The following NAALADL1 variants were observed in gnomAD, a reference collection of about 807,000 sequenced individuals.
NAALADL1 encodes the protein N-acetylated alpha-linked acidic dipeptidase like 1, also known as aminopeptidase NAALADL1.
NAALADL1 carries 77 observed loss-of-function variants against 82.8 expected under a neutral mutation model. That is an observed-to-expected ratio of 0.93 (90% CI 0.77 to 1.12). The LOEUF is 1.12. Ranked by LOEUF, NAALADL1 falls within the 50% of genes most tolerant of loss-of-function variation. The pLI, the probability that NAALADL1 is intolerant of heterozygous loss-of-function variation, is 0.00. For synonymous variants in NAALADL1, 358 were observed against 399.2 expected (o/e 0.90, Z 1.23); for missense variants, 956 against 964.0 (o/e 0.99, Z 0.11).
At chr11:65,059,360 C>T (rs1406438624), upstream of NAALADL1, among the ~76,000 whole-genome samples, 1 of 152,176 alleles carries the variant, frequency 6.6e-6, no homozygotes, top group East Asian at 1.9e-4. Flanking sequence ...ATAGCTAGTG[C>T]AGTGTCTGAC....
chr11:65,049,951 C>G (rs926036068), intron 8 of NAALADL1, among the ~76,000 whole-genome samples: 1 of 151,648 alleles, frequency 6.6e-6, no homozygotes, highest in Non-Finnish European at 1.5e-5. Flanking sequence ...AATCAGCTCA[C>G]TGCAACCTCT....
At chr11:65,051,542 G>A (rs1354722003) in intron 8 of NAALADL1, among the ~76,000 whole-genome samples, 1 of 151,690 alleles carries the variant, frequency 6.6e-6, no homozygotes, top group Non-Finnish European at 1.5e-5. Context: ...GGTCTCACAA[G>A]GTTGGTCTCG....
chr11:65,046,392 G>A (rs1419509911), intron 14 of NAALADL1, 30 bp from the exon 15 acceptor site: 9 of 1,614,094 alleles, frequency 5.6e-6, no homozygotes, highest in Admixed American at 5.0e-5. Flanking sequence ...CCAGGGCTCA[G>A]TCTTCAGCCT....
Position 65,058,380 on chromosome 11 carries a change from C to T in NAALADL1, c.142G>A (p.Val48Ile), listed in dbSNP as rs981880873. The T allele has an allele frequency of 3.1e-6, 5 of 1,614,054 alleles. No individual in the cohort carries two copies. Among genetic ancestry groups the T allele is most frequent in the East Asian group, 2.2e-5 (1 of 44,894 alleles). ...CTGTGGGCATCCAGCTGCCCCATGA[C>T]GGTCTCCAGGATCTCCAGGTCCAGG... ...QDLDLEILET[V>I]MGQLDAHRIR... The change falls in exon 1 of 18, where the codon GTC (valine) becomes ATC (isoleucine). Residue 48 changes from valine (V) to isoleucine (I), a missense_variant. Coordinates refer to ENST00000358658, the MANE Select transcript of NAALADL1 (RefSeq NM_005468.3).
Position 65,054,912 on chromosome 11 carries a change from G to A in NAALADL1, c.604-174C>T, listed in dbSNP as rs754261355. On this transcript the variant is annotated intron_variant, in intron 4 of 17. Coordinates refer to ENST00000358658, the MANE Select transcript of NAALADL1 (RefSeq NM_005468.3). The surrounding 1 kb of genome is among the most constrained non-coding windows in gnomAD (Gnocchi z 4.3). ...CTCTTGCAACAGTAAAGGCCAGTTC[G>A]GCACAGCCAAGCCCGTGCCTATCAG... Among the ~76,000 whole-genome samples the A allele has an allele frequency of 2.0e-4, 30 of 152,134 alleles. No homozygotes were observed. Among genetic ancestry groups the A allele is most frequent in the African/African-American group, 6.3e-4 (26 of 41,416 alleles).
At chr11:65,060,907 C>G (rs77146200), upstream of NAALADL1, among the ~76,000 whole-genome samples, 3,550 of 152,148 alleles carry the variant, frequency 0.023, 45 homozygotes, top group Non-Finnish European at 0.034. Flanking sequence ...CTTCAATCCT[C>G]CAGGACCAGC....
In NAALADL1 at chr11:65,058,460, A is replaced by G. The variant is rs746370787; in HGVS notation, c.62T>C (p.Ile21Thr). Residue 21 changes from isoleucine to threonine, a missense_variant, in exon 1 of 18, where the codon ATC becomes ACC. Ile to Thr is a moderately conservative substitution (Grantham distance 89). Transcript: ENST00000358658. ...GGGGATGGCAAAGTGGCCGAGGATG[A>G]TCCCCAGCCCCAAGAGGGCAGCAGC... ...LGAAALLGLG[I>T]ILGHFAIPKK... The G allele has an allele frequency of 9.3e-6, 15 of 1,613,712 alleles. No individual in the cohort carries two copies. The highest frequency in any genetic ancestry group is 1.3e-5 in the Non-Finnish European group (15 of 1,179,832).
Position 65,053,634 on chromosome 11 carries a change from G to C in NAALADL1, c.993-58C>G. 1 of 1,450,468 alleles carries C rather than the reference G, an allele frequency of 6.9e-7. No individual in the cohort carries two copies. Among genetic ancestry groups the C allele is most frequent in the East Asian group, 2.3e-5 (1 of 43,238 alleles). The allele number at this position is 1,450,468 out of a possible 1,614,324, so 89.8% of individuals were successfully genotyped here. ...GGCCTTGCCCACTGCCCCCGACCCA[G>C]TGCAGGAGACACTGAGGCCCGGAGC... On this transcript the variant is annotated intron_variant, in intron 6 of 17. Transcript: ENST00000358658. The surrounding 1 kb of genome is among the most constrained non-coding windows in gnomAD (Gnocchi z 4.3).
At chr11:65,056,712 CTTTTTT>C (rs60069296) in intron 4 of NAALADL1, among the ~76,000 whole-genome samples, 68 of 133,236 alleles carry the variant, frequency 5.1e-4, no homozygotes, top group East Asian at 6.4e-4. Context: ...CATGCCCAGC[CTTTTTT>C]TTTTTTTTTT....
Position 65,045,437 on chromosome 11 carries a change from C to G in NAALADL1, c.2057G>C (p.Arg686Pro). Residue 686 changes from arginine (R) to proline (P), a missense_variant, in exon 18 of 18, where the codon CGC becomes CCC. Coordinates refer to ENST00000358658, the MANE Select transcript of NAALADL1 (RefSeq NM_005468.3). ...RYYSHVLWAP[R>P]TGSVVTFPGL... is the part of the protein sequence containing the mutation. ...CGGGAATGTGACTACGGAGCCCGTG[C>G]GAGGTGCCCAGAGCACATGGCTGAC... 1 of 1,610,136 alleles carries G rather than the reference C, an allele frequency of 6.2e-7. No individual in the cohort carries two copies. The highest frequency in any genetic ancestry group is 8.5e-7 in the Non-Finnish European group (1 of 1,177,946).
intron 8 of NAALADL1, among the ~76,000 whole-genome samples, chr11:65,052,900 A>C (rs1946926140): frequency 6.6e-6 from 1 of 152,190 alleles, no homozygotes. Flanking sequence ...CAGAGTTAAC[A>C]ATCGGCTGCC....
chr11:65,046,635 G>T (rs1205254156), intron 13 of NAALADL1, 109 bp from the exon 14 acceptor site: 2 of 1,071,108 alleles, frequency 1.9e-6, no homozygotes, highest in Non-Finnish European at 2.8e-6. Flanking sequence ...TCTTGGCCAT[G>T]TCTGTGAGGT....
At chr11:65,051,331 T>C (rs1421589624) in intron 8 of NAALADL1, among the ~76,000 whole-genome samples, 58 of 52,318 alleles carry the variant, frequency 1.1e-3, no homozygotes, top group South Asian at 1.4e-3. Flanking sequence ...TTTTTTTTTT[T>C]TTTTTTTTTT....
In NAALADL1 at chr11:65,057,424, G is replaced by T. The variant is rs780553074; in HGVS notation, c.550C>A (p.Leu184Ile). 14 of 1,614,198 alleles carry T rather than the reference G, an allele frequency of 8.7e-6. No homozygotes were observed. The Admixed American group carries it at 1.8e-4, about 21-fold the overall frequency. ...CGAGTCAGGGCAATGGTGCCTTCAA[G>T]TTTGATGCCCTGAGTCTGTAGCTCC... Reference protein sequence around the residue: ...FKELQTQGIKLEGTIALTRYG... With the variant: ...FKELQTQGIKIEGTIALTRYG... Residue 184 changes from leucine (L) to isoleucine (I), a missense_variant, in exon 4 of 18, where the codon CTT (leucine) becomes ATT (isoleucine). By Grantham distance (5) the Leu-to-Ile change is conservative (BLOSUM62 2). Coordinates refer to ENST00000358658, the MANE Select transcript of NAALADL1 (RefSeq NM_005468.3).
In NAALADL1 at chr11:65,045,423, C is replaced by T. The variant is rs773708812; in HGVS notation, c.2071G>A (p.Val691Ile). The T allele has an allele frequency of 3.7e-6, 6 of 1,612,110 alleles. No individual in the cohort carries two copies. The Admixed American group carries it at 5.0e-5, about 13-fold the overall frequency. The change falls in exon 18 of 18, where the codon GTC becomes ATC. Residue 691 changes from valine (V) to isoleucine (I), a missense_variant. Coordinates refer to ENST00000358658, the MANE Select transcript of NAALADL1 (RefSeq NM_005468.3). The part of the protein sequence containing the change: ...VLWAPRTGSV[V>I]TFPGLSNACS... ...GCATTGGATAGGCCCGGGAATGTGA[C>T]TACGGAGCCCGTGCGAGGTGCCCAG... is the stretch of plus-strand genomic sequence containing the variant.
Position 65,054,969 on chromosome 11 carries a change from C to T in NAALADL1, c.604-231G>A, listed in dbSNP as rs1045128138. 6.6e-6 allele frequency among the ~76,000 whole-genome samples: 1 copy of T among 152,220 alleles called. No individual in the cohort carries two copies. Among genetic ancestry groups the T allele is most frequent in the Non-Finnish European group, 1.5e-5 (1 of 68,040 alleles). ...CTGGTTGAATAACAGGGACATCCTA[C>T]AGTGGAATACCATGAAGCTGCATAA... On this transcript the variant is annotated intron_variant, in intron 4 of 17. Transcript: ENST00000358658. This position sits in a 1 kb window ranked among gnomAD's most constrained non-coding sequence, Gnocchi z 4.3.
chr11:65,054,224 G>T lies in NAALADL1; in HGVS notation c.992+26C>A. 1.3e-6 allele frequency: 2 copies of T among 1,597,836 alleles called. No individual in the cohort carries two copies. The highest frequency in any genetic ancestry group is 1.1e-5 in the South Asian group (1 of 89,862). On this transcript the variant is annotated intron_variant, in intron 6 of 17. Coordinates refer to ENST00000358658, the MANE Select transcript of NAALADL1 (RefSeq NM_005468.3). This position sits in a 1 kb window ranked among gnomAD's most constrained non-coding sequence, Gnocchi z 4.3. The stretch of plus-strand genomic sequence containing the variant: ...CGAGTTGGGGGAGAGGGCAACTGAG[G>T]GAGACCTGGTCTGGCTGCATCTCAC...
In NAALADL1 at chr11:65,045,903, A is replaced by T. The variant is rs767796733; in HGVS notation, c.1955T>A (p.Val652Asp). Residue 652 changes from valine (V) to aspartate (D), a missense_variant, in exon 17 of 18, where the codon GTC becomes GAC. Physicochemically the swap from Val to Asp is radical, Grantham distance 152. Transcript: ENST00000358658. Reference sequence around the variant, plus strand: ...CATCAACTGGTCATTGAGCATCCGGACCTGCAGGGGGCTGGTGGGGAGGCA... The same window carrying T: ...CATCAACTGGTCATTGAGCATCCGGTCCTGCAGGGGGCTGGTGGGGAGGCA... ...LQKGSPDPLQ[V>D]RMLNDQLMLL... 3.1e-6 allele frequency: 5 copies of T among 1,614,042 alleles called. No individual in the cohort carries two copies. The highest frequency in any genetic ancestry group is 4.2e-6 in the Non-Finnish European group (5 of 1,179,986).
intron 1 of NAALADL1, 27 bp downstream of exon 1, chr11:65,058,310 G>T: frequency 6.2e-7 from 1 of 1,614,034 alleles, no homozygotes; most frequent in South Asian, 1.1e-5. Context: ...TCTGGCAAAC[G>T]GAGGAGCAGA....
Sources: allele counts gnomAD v4.1 joint callset (sites outside exome capture counted in the v4.1 genomes callset), GRCh38; gene constraint gnomAD v4.1.1; non-coding constraint Gnocchi (gnomAD v3.1); transcripts MANE v1.5; gene names NCBI Gene and HGNC (gene_info 2026-07-23, HGNC 2026-07-21).